PELI2: variants seen among roughly 807,000 people sequenced by gnomAD.
PELI2 encodes E3 ubiquitin-protein ligase pellino homolog 2.
A neutral mutation model predicts 42.3 loss-of-function variants in PELI2; 23 were observed. That is an observed-to-expected ratio of 0.54 (90% confidence interval 0.39 to 0.77). PELI2 has a LOEUF of 0.77. PELI2 is among the 30% of genes least tolerant of loss of function. The pLI is 0.00. For synonymous variants in PELI2, 245 were observed against 212.2 expected, an observed-to-expected ratio of 1.15 and a Z score of -1.34; for missense variants, 463 against 553.2, an observed-to-expected ratio of 0.84 and a Z score of 1.64.
intron 2 of PELI2, among the ~76,000 whole-genome samples, chr14:56,244,319 AG>A (rs1011596090): frequency 1.3e-5 from 2 of 152,204 alleles, no homozygotes; most frequent in Non-Finnish European, 2.9e-5. Flanking sequence ...ACGTAATATC[AG>A]GGGTATGCAA....
chr14:56,273,812 C>T lies in PELI2; in HGVS notation c.208-5864C>T, dbSNP rs536464535. 2.0e-5 allele frequency among the ~76,000 whole-genome samples: 3 copies of T among 152,288 alleles called. No individual in the cohort carries two copies. Among genetic ancestry groups the T allele is most frequent in the Non-Finnish European group, 4.4e-5 (3 of 68,018 alleles). On this transcript the variant is annotated intron_variant, in intron 2 of 5. Coordinates refer to ENST00000267460, the MANE Select transcript of PELI2 (RefSeq NM_021255.3). This position sits in a 1 kb window ranked among gnomAD's most constrained non-coding sequence, Gnocchi z 4.3. ...AACCAAACCATGTAATGATGCTGTA[C>T]ACTGCAAGTGACAAAATGCCTAACG...
Position 56,198,008 on chromosome 14 carries a change from A to C in PELI2, c.207+19544A>C, listed in dbSNP as rs200042588. 4.6e-3 allele frequency among the ~76,000 whole-genome samples: 505 copies of C among 110,376 alleles called. 1 individual carries two copies. Among genetic ancestry groups the C allele is most frequent in the African/African-American group, 0.011 (360 of 32,488 alleles). 72.4% of individuals were successfully genotyped at this position (110,376 alleles called of 152,430 possible). On this transcript the variant is annotated intron_variant, in intron 2 of 5. Coordinates refer to ENST00000267460, the MANE Select transcript of PELI2 (RefSeq NM_021255.3). ...CACACACACACACACACACACACAC[A>C]CACACCCACCTCTTTGGTCCACTTC...
At chr14:56,214,068 G>A (rs1056195464) in intron 2 of PELI2, among the ~76,000 whole-genome samples, 7 of 152,150 alleles carry the variant, frequency 4.6e-5, no homozygotes, top group African/African-American at 1.7e-4. Flanking sequence ...GGCCAGGATG[G>A]TCTCGAACTC....
intron 2 of PELI2, among the ~76,000 whole-genome samples, chr14:56,203,972 C>A (rs1400003738): frequency 6.6e-6 from 1 of 152,106 alleles, no homozygotes; most frequent in Non-Finnish European, 1.5e-5. Flanking sequence ...AGTACAAAGG[C>A]CCTGCTTTAG....
intron 2 of PELI2, among the ~76,000 whole-genome samples, chr14:56,260,067 A>C (rs1383441834): frequency 6.6e-6 from 1 of 152,174 alleles, no homozygotes; most frequent in African/African-American, 2.4e-5. Context: ...ATTGATATAC[A>C]TTCAGCACTA....
intron 2 of PELI2, among the ~76,000 whole-genome samples, chr14:56,187,026 A>T (rs1431550346): frequency 6.6e-6 from 1 of 152,216 alleles, no homozygotes; most frequent in Non-Finnish European, 1.5e-5. Context: ...AAGGAACTTT[A>T]TTCAAACTGA....
At chr14:56,249,737 C>T (rs558343106) in intron 2 of PELI2, among the ~76,000 whole-genome samples, 29 of 152,280 alleles carry the variant, frequency 1.9e-4, no homozygotes, top group Non-Finnish European at 3.4e-4. Flanking sequence ...CTCGTGTGTT[C>T]AGCTCTGTGG....
At chr14:56,234,675 C>A (rs543459399) in intron 2 of PELI2, among the ~76,000 whole-genome samples, 26 of 152,072 alleles carry the variant, frequency 1.7e-4, no homozygotes, top group Non-Finnish European at 3.4e-4. Context: ...GGGTGCAGCA[C>A]ACCAACATGG....
intron 2 of PELI2, among the ~76,000 whole-genome samples, chr14:56,186,790 T>C (rs1885783750): frequency 6.6e-6 from 1 of 152,208 alleles, no homozygotes; most frequent in African/African-American, 2.4e-5. Context: ...CATGTATTCG[T>C]TGGAAAAATA....
intron 2 of PELI2, among the ~76,000 whole-genome samples, chr14:56,231,717 A>G (rs2139772013): frequency 6.6e-6 from 1 of 152,348 alleles, no homozygotes; most frequent in East Asian, 1.9e-4. Context: ...GCAAAAGCAA[A>G]CACATTCAAG....
At chr14:56,195,221 C>G (rs1886089470) in intron 2 of PELI2, among the ~76,000 whole-genome samples, 1 of 152,192 alleles carries the variant, frequency 6.6e-6, no homozygotes, top group Non-Finnish European at 1.5e-5. Flanking sequence ...AAGGGGATCC[C>G]CAACCCCCTT....
intron 2 of PELI2, among the ~76,000 whole-genome samples, chr14:56,183,992 A>G (rs1885680894): frequency 6.6e-6 from 1 of 152,144 alleles, no homozygotes; most frequent in African/African-American, 2.4e-5. Context: ...CAATAGGAAG[A>G]TAAGCCAAGT....
chr14:56,229,133 C>T lies in PELI2; in HGVS notation c.208-50543C>T, dbSNP rs1887466540. ...ACTGGGAGGAGCCCACCGCAGGAGGCCTGCCTGTCTCTGTAGACTCCACCT... is the reference window on the plus strand; with the variant it reads ...ACTGGGAGGAGCCCACCGCAGGAGGTCTGCCTGTCTCTGTAGACTCCACCT... On this transcript the variant is annotated intron_variant, in intron 2 of 5. Transcript: ENST00000267460. 2.6e-5 allele frequency among the ~76,000 whole-genome samples: 4 copies of T among 152,314 alleles called. No homozygotes were observed. The South Asian group carries it at 8.3e-4, about 32-fold the overall frequency.
intron 2 of PELI2, among the ~76,000 whole-genome samples, chr14:56,187,605 T>G (rs1885813425): frequency 6.6e-6 from 1 of 152,206 alleles, no homozygotes; most frequent in Non-Finnish European, 1.5e-5. Context: ...TTGTTACACC[T>G]TTTGCTTTTC....
rs5808846 is a variant in PELI2 at position 56,155,582 on chromosome 14, A to AT, written c.78-22736dup. 5.9e-3 allele frequency among the ~76,000 whole-genome samples: 755 copies of AT among 127,864 alleles called. 5 individuals are homozygous for AT. The highest frequency in any genetic ancestry group is 6.7e-3 in the Non-Finnish European group (410 of 61,484). 83.9% of individuals were successfully genotyped at this position (127,864 alleles called of 152,430 possible). Reference sequence around the variant, plus strand: ...TTTGGTTTTTGTTCTCAAGTAATACATTTTTTTTTTTTTTTTTGAGACGGA... The same window carrying AT: ...TTTGGTTTTTGTTCTCAAGTAATACATTTTTTTTTTTTTTTTTTGAGACGGA... On this transcript the variant is annotated intron_variant, in intron 1 of 5. Coordinates refer to ENST00000267460, the MANE Select transcript of PELI2 (RefSeq NM_021255.3).
chr14:56,288,492 G>C lies in PELI2; in HGVS notation c.365G>C (p.Gly122Ala). Reference sequence around the variant, plus strand: ...TTCGTTGTCACAGACACGATTTCTGGCAGCCAGAACACGGACGAAGCCCAG... The same window carrying C: ...TTCGTTGTCACAGACACGATTTCTGCCAGCCAGAACACGGACGAAGCCCAG... ...IDFVVTDTIS[G>A]SQNTDEAQIT... The change falls in exon 4 of 6, where the codon GGC (glycine) becomes GCC (alanine). Residue 122 changes from glycine to alanine, a missense_variant. Around this residue, in one of 3 missense-constraint regions of PELI2, gnomAD observed 343 missense variants for 378.4 expected, o/e 0.91. Transcript: ENST00000267460. The surrounding 1 kb of genome is among the most constrained non-coding windows in gnomAD (Gnocchi z 4.6). 1 of 1,614,084 alleles carries C rather than the reference G, an allele frequency of 6.2e-7. No homozygotes were observed. The highest frequency in any genetic ancestry group is 1.1e-5 in the South Asian group (1 of 91,054).
intron 1 of PELI2, among the ~76,000 whole-genome samples, chr14:56,152,543 C>T (rs1300289340): frequency 6.6e-6 from 1 of 152,108 alleles, no homozygotes; most frequent in African/African-American, 2.4e-5. Flanking sequence ...CACCAACTTA[C>T]TATAATTATT....
intron 2 of PELI2, among the ~76,000 whole-genome samples, chr14:56,201,019 A>C (rs1160740563): frequency 6.6e-6 from 1 of 152,208 alleles, no homozygotes; most frequent in East Asian, 1.9e-4. Flanking sequence ...GGTATAAAAC[A>C]CCAATTAAAA....
intron 3 of PELI2, among the ~76,000 whole-genome samples, chr14:56,286,734 T>G (rs527365685): frequency 1.3e-5 from 2 of 152,116 alleles, no homozygotes; most frequent in African/African-American, 2.4e-5. Flanking sequence ...GTTTTGTTTT[T>G]TTGTTGTTTT....
Sources: allele counts gnomAD v4.1 joint callset (sites outside exome capture counted in the v4.1 genomes callset), GRCh38; gene constraint gnomAD v4.1.1; regional missense constraint gnomAD v4.1.1; non-coding constraint Gnocchi (gnomAD v3.1); transcripts MANE v1.5; gene names NCBI Gene and HGNC (gene_info 2026-07-23, HGNC 2026-07-21).